PILRA: variants seen among roughly 807,000 people sequenced by gnomAD.
PILRA encodes paired immunoglobulin-like type 2 receptor alpha.
In PILRA, 37 loss-of-function variants were observed where a neutral mutation model predicts 33.1. The ratio of observed to expected loss-of-function variants is 1.12; its 90% confidence interval spans 0.86 to 1.47. PILRA has a LOEUF of 1.47. Among genes scored for constraint, PILRA ranks in the 40% most tolerant of loss-of-function variants. The pLI is 0.00. For missense variants in PILRA, 312 were observed against 376.2 expected (o/e 0.83, Z 1.41); for synonymous variants, 146 against 149.9 (o/e 0.97, Z 0.19).
Position 100,387,394 on chromosome 7 carries a change from AG to A in PILRA, c.455-2493del, listed in dbSNP as rs372208671. 5.5e-4 allele frequency among the ~76,000 whole-genome samples: 84 copies of A among 152,210 alleles called. No individual in the cohort carries two copies. The East Asian group carries it at 0.013, about 24-fold the overall frequency. On this transcript the variant is annotated intron_variant, in intron 2 of 6. Transcript: ENST00000198536. ...ACACCCAGCTAATTTTTGTATTTTT[AG>A]TAGAGATGGGCTTTCACCATGTTGG...
At chr7:100,399,728 A>G in intron 6 of PILRA, 57 bp from the exon 7 acceptor site, 1 of 1,612,144 alleles carries the variant, frequency 6.2e-7, no homozygotes, top group South Asian at 1.1e-5. Flanking sequence ...CTTGCCGCTA[A>G]GATGGGAACA....
At chr7:100,377,967 C>T (rs1790993294) in intron 2 of PILRA, among the ~76,000 whole-genome samples, 1 of 152,292 alleles carries the variant, frequency 6.6e-6, no homozygotes, top group East Asian at 1.9e-4. Context: ...TCTTTTCTTA[C>T]ATCAGCACAC....
intron 3 of PILRA, among the ~76,000 whole-genome samples, chr7:100,391,050 C>G (rs899213634): frequency 6.6e-6 from 1 of 151,782 alleles, no homozygotes; most frequent in Non-Finnish European, 1.5e-5. Context: ...TGAGGTGGCT[C>G]ACGCCTGTAA....
Position 100,374,116 on chromosome 7 carries a change from G to T in PILRA, c.137G>T (p.Gly46Val), listed in dbSNP as rs763109661. Residue 46 changes from glycine to valine, a missense_variant, in exon 2 of 7, where the codon GGT (glycine) becomes GTT (valine). Physicochemically the swap from Gly to Val is moderately radical, Grantham distance 109. Coordinates refer to ENST00000198536, the MANE Select transcript of PILRA (RefSeq NM_013439.3). ...CCAAAACACCTCTCAGCCTCCATGG[G>T]TGGCTCTGTGGAAATCCCCTTCTCC... ...TQPKHLSASM[G>V]GSVEIPFSFY... 1.9e-6 allele frequency: 3 copies of T among 1,613,974 alleles called. No individual in the cohort carries two copies. The highest frequency in any genetic ancestry group is 1.7e-6 in the Non-Finnish European group (2 of 1,180,016).
chr7:100,383,676 G>A (rs890122175), intron 2 of PILRA, among the ~76,000 whole-genome samples: 34 of 149,826 alleles, frequency 2.3e-4, no homozygotes, highest in East Asian at 1.9e-4. Flanking sequence ...TCGCTCTGTC[G>A]CCCAGGCTGG....
At chr7:100,396,975 GTTTGTTTT>G (rs922409829) in intron 3 of PILRA, among the ~76,000 whole-genome samples, 2 of 149,776 alleles carry the variant, frequency 1.3e-5, no homozygotes, top group Admixed American at 6.6e-5. Flanking sequence ...CTAGTGTTTT[GTTTGTTTT>G]TTTGTTTTTT....
At chr7:100,383,916 C>T (rs1466894105) in intron 2 of PILRA, among the ~76,000 whole-genome samples, 2 of 152,144 alleles carry the variant, frequency 1.3e-5, no homozygotes, top group Non-Finnish European at 2.9e-5. Context: ...GGATTACAGG[C>T]GTAAGCCTCC....
intron 2 of PILRA, 79 bp from the exon 3 acceptor site, chr7:100,389,809 G>C: frequency 8.2e-7 from 1 of 1,218,638 alleles, no homozygotes; most frequent in East Asian, 2.3e-5. Context: ...CCCCAACCTA[G>C]AAAGCAGCAC....
chr7:100,394,770 A>G (rs943535855), intron 3 of PILRA, among the ~76,000 whole-genome samples: 7 of 152,166 alleles, frequency 4.6e-5, no homozygotes, highest in African/African-American at 9.7e-5. Flanking sequence ...TGGCATTGGG[A>G]AAACTGAATA....
intron 3 of PILRA, among the ~76,000 whole-genome samples, 158 bp from the exon 4 acceptor site, chr7:100,397,721 C>T (rs1290675969): frequency 6.6e-6 from 1 of 152,166 alleles, no homozygotes; most frequent in Non-Finnish European, 1.5e-5. Context: ...CTCAGGGTGC[C>T]GGCTGAGTCC....
upstream of PILRA, chr7:100,373,337 G>GTGGGGCCCAGCCAGCCAAGT: frequency 1.9e-6 from 1 of 531,862 alleles, no homozygotes. Flanking sequence ...GCCAGCCAAG[G>GTGGGGCCCAGCCAGCCAAGT]TCAGGCCCAG....
rs1410794977 is a variant in PILRA, at chr7:100,374,124, G to A, written c.145G>A (p.Val49Met). The stretch of plus-strand genomic sequence containing the variant: ...CCTCTCAGCCTCCATGGGTGGCTCT[G>A]TGGAAATCCCCTTCTCCTTCTATTA... ...KHLSASMGGS[V>M]EIPFSFYYPW... is the part of the protein sequence containing the mutation. Residue 49 changes from valine (V) to methionine (M), a missense_variant, in exon 2 of 7, where the codon GTG becomes ATG. Val to Met is a conservative substitution (Grantham distance 21). Coordinates refer to ENST00000198536, the MANE Select transcript of PILRA (RefSeq NM_013439.3). The A allele has an allele frequency of 1.9e-6, 3 of 1,614,120 alleles. No individual in the cohort carries two copies. The highest frequency in any genetic ancestry group is 2.5e-6 in the Non-Finnish European group (3 of 1,180,018).
At chr7:100,377,571 C>T (rs1280582380) in intron 2 of PILRA, among the ~76,000 whole-genome samples, 1 of 152,010 alleles carries the variant, frequency 6.6e-6, no homozygotes, top group Non-Finnish European at 1.5e-5. Context: ...CACAAAAATC[C>T]CTATTTCCAC....
chr7:100,395,684 T>C (rs1791480292), intron 3 of PILRA, among the ~76,000 whole-genome samples: 1 of 152,114 alleles, frequency 6.6e-6, no homozygotes, highest in Non-Finnish European at 1.5e-5. Context: ...TATCTCCTTA[T>C]ACCCAGAAGG....
At chr7:100,382,256 A>G (rs868022369) in intron 2 of PILRA, among the ~76,000 whole-genome samples, 1 of 152,100 alleles carries the variant, frequency 6.6e-6, no homozygotes. Flanking sequence ...AAATACACCA[A>G]TCAGCACTCT....
intron 2 of PILRA, among the ~76,000 whole-genome samples, chr7:100,379,488 A>C (rs1347992072): frequency 6.6e-6 from 1 of 151,918 alleles, no homozygotes; most frequent in Non-Finnish European, 1.5e-5. Flanking sequence ...CAATATGGTG[A>C]AACCCTGTCT....
chr7:100,378,460 AAC>A (rs1385476331), intron 2 of PILRA, among the ~76,000 whole-genome samples: 2 of 152,234 alleles, frequency 1.3e-5, no homozygotes, highest in Non-Finnish European at 2.9e-5. Flanking sequence ...AAAAACAAAA[AAC>A]ACAACACTCT....
intron 2 of PILRA, among the ~76,000 whole-genome samples, chr7:100,375,176 C>T (rs1244968041): frequency 6.6e-6 from 1 of 152,224 alleles, no homozygotes; most frequent in Non-Finnish European, 1.5e-5. Context: ...CCCTGTCCTC[C>T]ACTCTGGTCT....
At chr7:100,384,227 C>T (rs924789412) in intron 2 of PILRA, among the ~76,000 whole-genome samples, 6 of 151,714 alleles carry the variant, frequency 4.0e-5, no homozygotes, top group Admixed American at 6.6e-5. Context: ...GTGGGGGAAA[C>T]GGAAGAACGG....
Sources: gnomAD v4.1 joint callset for allele counts (sites outside exome capture counted in the v4.1 genomes callset) on GRCh38, gnomAD v4.1.1 for gene constraint, MANE v1.5 for transcripts, NCBI Gene and HGNC (gene_info 2026-07-23, HGNC 2026-07-21) for gene names.